RPS6KA2: variants seen among roughly 807,000 people sequenced by gnomAD.
RPS6KA2 encodes ribosomal protein S6 kinase alpha-2.
In RPS6KA2, 42 loss-of-function variants were observed where a neutral mutation model predicts 91.8. The observed-to-expected ratio is 0.46, with a 90% CI of 0.36 to 0.59. RPS6KA2 has a LOEUF of 0.59. Ranked by LOEUF, RPS6KA2 falls within the 20% of genes least tolerant of loss-of-function variation. RPS6KA2 has a pLI of 0.00. For synonymous variants in RPS6KA2, 414 were observed against 393.6 expected (o/e 1.05, Z -0.61); for missense variants, 798 against 978.5 (o/e 0.82, Z 2.46).
At chr6:166,431,653 G>T (rs939991967) in intron 15 of RPS6KA2, among the ~76,000 whole-genome samples, 1 of 152,152 alleles carries the variant, frequency 6.6e-6, no homozygotes, top group Non-Finnish European at 1.5e-5. Flanking sequence ...GTCTCTCTCA[G>T]TTGCCCAGGC....
At chr6:166,853,595 G>T (rs1294996000) in intron 2 of RPS6KA2, among the ~76,000 whole-genome samples, 3 of 149,294 alleles carry the variant, frequency 2.0e-5, no homozygotes, top group Non-Finnish European at 3.0e-5. Flanking sequence ...CGCAGCCGCC[G>T]CCACGTCCTA....
chr6:166,591,010 AAGCAGAAAAAC>A (rs1785337891), intron 1 of RPS6KA2, among the ~76,000 whole-genome samples: 1 of 152,220 alleles, frequency 6.6e-6, no homozygotes, highest in Admixed American at 6.5e-5. Context: ...AGCATCACAA[AAGCAGAAAAAC>A]AGGTTGTCTC....
intron 2 of RPS6KA2, among the ~76,000 whole-genome samples, chr6:166,846,023 G>A (rs1369593479): frequency 6.6e-6 from 1 of 152,018 alleles, no homozygotes; most frequent in Admixed American, 6.5e-5. Context: ...CAAAATGGGA[G>A]ATATTACAAC....
chr6:166,525,284 T>C (rs927727063), intron 3 of RPS6KA2, among the ~76,000 whole-genome samples: 1 of 152,172 alleles, frequency 6.6e-6, no homozygotes, highest in African/African-American at 2.4e-5. Context: ...AATAACTCCA[T>C]GTTGAGTCAT....
At chr6:166,622,370 A>C in intron 1 of RPS6KA2, among the ~76,000 whole-genome samples, 1 of 152,224 alleles carries the variant, frequency 6.6e-6, no homozygotes. Flanking sequence ...AGGAGCAAAA[A>C]GAAGAACAAA....
chr6:166,608,265 A>C (rs1224935111), intron 1 of RPS6KA2, among the ~76,000 whole-genome samples: 1 of 152,228 alleles, frequency 6.6e-6, no homozygotes, highest in African/African-American at 2.4e-5. Flanking sequence ...GTATATTTTG[A>C]AACAGAGTCC....
Position 166,437,108 on chromosome 6 carries a change from C to T in RPS6KA2, c.1333-4618G>A, listed in dbSNP as rs532517823. 5.9e-5 allele frequency among the ~76,000 whole-genome samples: 9 copies of T among 151,856 alleles called. No individual in the cohort carries two copies. Among genetic ancestry groups the T allele is most frequent in the African/African-American group, 7.3e-5 (3 of 41,356 alleles). ...GCAAGGTAAGGCTGGAGAGTGCTAA[C>T]GCAGGAGTGGGCAGTGAGGTGTGGC... is the stretch of plus-strand genomic sequence containing the variant. On this transcript the variant is annotated intron_variant, in intron 14 of 20. Coordinates refer to ENST00000265678, the MANE Select transcript of RPS6KA2 (RefSeq NM_021135.6). This position sits in a 1 kb window ranked among gnomAD's most constrained non-coding sequence, Gnocchi z 4.3.
At chr6:166,826,581 T>C (rs1259776416) in intron 2 of RPS6KA2, among the ~76,000 whole-genome samples, 1 of 152,236 alleles carries the variant, frequency 6.6e-6, no homozygotes, top group Non-Finnish European at 1.5e-5. Flanking sequence ...TTACAAAAGA[T>C]TGCCAGAAAG....
intron 2 of RPS6KA2, among the ~76,000 whole-genome samples, chr6:166,698,198 T>C (rs1468124934): frequency 4.6e-5 from 7 of 152,168 alleles, no homozygotes; most frequent in Non-Finnish European, 1.0e-4. Flanking sequence ...AAATAGAGTG[T>C]CATAAATTTC....
intron 2 of RPS6KA2, chr6:166,702,451 T>A: frequency 6.3e-7 from 1 of 1,585,804 alleles, no homozygotes. Flanking sequence ...TCTAGCTTGG[T>A]CCTTACTGGA....
At position 166,486,576 on chromosome 6, in the gene RPS6KA2, CTAGT is replaced by C. The variant is rs140469727; in HGVS notation, c.907+2253_907+2256del. Among the ~76,000 whole-genome samples, 122 of 152,360 alleles carry C rather than the reference CTAGT, an allele frequency of 8.0e-4. 3 individuals carry two copies. The East Asian group carries it at 0.019, about 24-fold the overall frequency. ...GCTATAAAATGTGTGCAGTGACCTG[CTAGT>C]TAGTTTTCATCCAATGCACTGGACA... On this transcript the variant is annotated intron_variant, in intron 10 of 20. Transcript: ENST00000265678.
At chr6:166,693,559 G>A (rs1194556161) in intron 2 of RPS6KA2, among the ~76,000 whole-genome samples, 3 of 152,126 alleles carry the variant, frequency 2.0e-5, no homozygotes, top group Admixed American at 6.5e-5. Flanking sequence ...AGGATCTCTC[G>A]CCTGGTCTGT....
At chr6:166,478,779 C>G (rs1196182290) in intron 10 of RPS6KA2, among the ~76,000 whole-genome samples, 1 of 152,182 alleles carries the variant, frequency 6.6e-6, no homozygotes, top group Non-Finnish European at 1.5e-5. Flanking sequence ...CCGGTGCTCT[C>G]TGCTTGTTTA....
chr6:166,426,574 AAGAG>A (rs1409489239), intron 16 of RPS6KA2, among the ~76,000 whole-genome samples: 280 of 21,580 alleles, frequency 0.013, 14 homozygotes, highest in African/African-American at 0.058. Flanking sequence ...TAAAGAAAAA[AAGAG>A]AGAAGAATCA....
chr6:166,833,875 T>G (rs567661259), intron 2 of RPS6KA2, among the ~76,000 whole-genome samples: 54 of 152,198 alleles, frequency 3.5e-4, no homozygotes, highest in African/African-American at 1.3e-3. Context: ...TTGCATAAAT[T>G]CCTTTTCTTC....
chr6:166,796,746 G>A (rs533863688), intron 2 of RPS6KA2, among the ~76,000 whole-genome samples: 44 of 152,130 alleles, frequency 2.9e-4, no homozygotes, highest in Non-Finnish European at 5.9e-4. Flanking sequence ...GCAGTCCTGA[G>A]TGCGACTGCA....
At position 166,625,628 on chromosome 6, in the gene RPS6KA2, ACTGTTCTGAGTTT is replaced by A. The variant is rs550619215; in HGVS notation, c.99+1280_99+1292del. ...GACATGTATCCGGATAAAGATAAAT[ACTGTTCTGAGTTT>A]CTGATCTTGTCAACTTCAGATTTTT... is the stretch of plus-strand genomic sequence containing the variant. On this transcript the variant is annotated intron_variant, in intron 1 of 20. Transcript: ENST00000265678. Among the ~76,000 whole-genome samples the A allele has an allele frequency of 5.8e-3, 889 of 152,218 alleles. 7 individuals are homozygous for A. Among genetic ancestry groups the A allele is most frequent in the African/African-American group, 0.02 (843 of 41,526 alleles).
At chr6:166,842,307 C>T (rs1349772231) in intron 2 of RPS6KA2, among the ~76,000 whole-genome samples, 3 of 152,204 alleles carry the variant, frequency 2.0e-5, no homozygotes, top group African/African-American at 4.8e-5. Flanking sequence ...AGATGAAAGT[C>T]GCCAGGGTGG....
intron 1 of RPS6KA2, among the ~76,000 whole-genome samples, chr6:166,549,035 C>T (rs1783914579): frequency 6.6e-6 from 1 of 152,130 alleles, no homozygotes; most frequent in Non-Finnish European, 1.5e-5. Context: ...GATATTTCAC[C>T]ACTGAAGATA....
Sources: gnomAD v4.1 joint callset for allele counts (sites outside exome capture counted in the v4.1 genomes callset) on GRCh38, gnomAD v4.1.1 for gene constraint, Gnocchi (gnomAD v3.1) non-coding constraint, MANE v1.5 for transcripts, NCBI Gene and HGNC (gene_info 2026-07-23, HGNC 2026-07-21) for gene names.